TRPC5: variants seen among roughly 807,000 people sequenced by gnomAD.
The protein encoded by TRPC5 is transient receptor potential cation channel subfamily C member 5.
Under a neutral mutation model 56.5 loss-of-function variants are expected in TRPC5, and 9 were observed. That is an observed-to-expected ratio of 0.16 (90% CI 0.10 to 0.28). The LOEUF (loss-of-function observed/expected upper bound fraction) is 0.28. Ranked by LOEUF, TRPC5 falls within the 10% of genes least tolerant of loss-of-function variation. The pLI, the probability that TRPC5 is intolerant of heterozygous loss-of-function variation, is 1.00. For missense variants in TRPC5, 469 were observed against 748.9 expected, an observed-to-expected ratio of 0.63 and a Z score of 4.36; for synonymous variants, 282 against 278.5, an observed-to-expected ratio of 1.01 and a Z score of -0.13.
chrX:111,946,011 GAC>G (rs1926924642), intron 2 of TRPC5, among the ~76,000 whole-genome samples: 1 of 112,446 alleles, frequency 8.9e-6, no homozygotes, highest in Non-Finnish European at 1.9e-5. Flanking sequence ...CTCCCAGAAA[GAC>G]AGAGCTCCAG....
chrX:111,907,345 G>A (rs1172601018), intron 3 of TRPC5, among the ~76,000 whole-genome samples: 1 of 111,366 alleles, frequency 9.0e-6, no homozygotes, highest in Non-Finnish European at 1.9e-5. Context: ...TGCGAGCATA[G>A]GACTGGCGCG....
At chrX:111,983,170 G>A (rs1437036231) in intron 1 of TRPC5, among the ~76,000 whole-genome samples, 2 of 111,660 alleles carry the variant, frequency 1.8e-5, no homozygotes, top group Non-Finnish European at 3.8e-5. Context: ...GGTGGATAAA[G>A]CATTCTGTAA....
chrX:111,883,408 T>C (rs764626746), intron 3 of TRPC5, among the ~76,000 whole-genome samples: 5 of 112,457 alleles, frequency 4.4e-5, no homozygotes, highest in Non-Finnish European at 9.4e-5. Flanking sequence ...CCCAGTCTAC[T>C]TAAGTCCTAG....
intron 2 of TRPC5, among the ~76,000 whole-genome samples, chrX:111,946,347 G>C (rs778987532): frequency 2.7e-5 from 3 of 111,026 alleles, no homozygotes; most frequent in South Asian, 7.7e-4. Flanking sequence ...ATTTCTGTAA[G>C]TTAAGTAGTA....
chrX:111,996,786 G>T (rs1161261107), intron 1 of TRPC5, among the ~76,000 whole-genome samples: 1 of 111,457 alleles, frequency 9.0e-6, no homozygotes, highest in East Asian at 2.8e-4. Flanking sequence ...TTTTATCAGA[G>T]ACTAGGATTG....
At chrX:112,042,890 C>T (rs928301049) in intron 1 of TRPC5, among the ~76,000 whole-genome samples, 10 of 110,923 alleles carry the variant, frequency 9.0e-5, no homozygotes, top group Non-Finnish European at 1.5e-4. Flanking sequence ...ATTCTCAACC[C>T]CCTGCCTTCG....
intron 1 of TRPC5, among the ~76,000 whole-genome samples, chrX:111,970,050 T>G (rs1227005792): frequency 9.0e-6 from 1 of 110,799 alleles, no homozygotes; most frequent in Non-Finnish European, 1.9e-5. Context: ...GCCTTGTTAG[T>G]GAATAAACTC....
At chrX:111,975,363 C>G (rs1569528970) in intron 1 of TRPC5, among the ~76,000 whole-genome samples, 4 of 108,048 alleles carry the variant, frequency 3.7e-5, no homozygotes, top group Non-Finnish European at 5.7e-5. Flanking sequence ...AAATAACAAA[C>G]AGCAATAGCA....
At chrX:111,935,936 G>C (rs1926559336) in intron 2 of TRPC5, among the ~76,000 whole-genome samples, 1 of 111,610 alleles carries the variant, frequency 9.0e-6, no homozygotes, top group South Asian at 3.8e-4. Flanking sequence ...GCTCAGGATG[G>C]CTTTGGCTAT....
chrX:111,987,652 C>T lies in TRPC5; in HGVS notation c.-21-35211G>A, dbSNP rs914572787. On this transcript the variant is annotated intron_variant, in intron 1 of 10. Coordinates refer to ENST00000262839, the MANE Select transcript of TRPC5 (RefSeq NM_012471.3). ...ATGTCCTCTAGGTTCTCCATGTTGTCGCAATTGACAGGATCTCCCTTTTTA... is the reference window on the plus strand; with the variant it reads ...ATGTCCTCTAGGTTCTCCATGTTGTTGCAATTGACAGGATCTCCCTTTTTA... Among the ~76,000 whole-genome samples, 5 of 111,966 alleles carry T rather than the reference C, an allele frequency of 4.5e-5. No homozygotes were observed. In the East Asian group the frequency reaches 8.4e-4, roughly 19 times the overall value.
In TRPC5 at chrX:111,917,975, C is replaced by G. The variant is rs760800824; in HGVS notation, c.379-5163G>C. On this transcript the variant is annotated intron_variant, in intron 2 of 10. Transcript: ENST00000262839. ...TGAGTTTCTGGCCTAATATCCCAAG[C>G]CTCTTTAATGAAATGTGGCTGTGAA... is the stretch of plus-strand genomic sequence containing the variant. Among the ~76,000 whole-genome samples the G allele has an allele frequency of 1.2e-4, 13 of 112,565 alleles. No individual in the cohort carries two copies. In the East Asian group the frequency reaches 3.3e-3, roughly 29 times the overall value.
chrX:112,000,484 G>A (rs946575555), intron 1 of TRPC5, among the ~76,000 whole-genome samples: 5 of 111,998 alleles, frequency 4.5e-5, no homozygotes, highest in African/African-American at 1.6e-4. Flanking sequence ...AACCTCCTGG[G>A]GAGCAGCGTG....
intron 3 of TRPC5, among the ~76,000 whole-genome samples, chrX:111,912,028 G>A (rs1925834522): frequency 1.8e-5 from 2 of 111,808 alleles, no homozygotes; most frequent in East Asian, 5.6e-4. Context: ...CTTCTGTATC[G>A]CAAACACTCC....
At chrX:112,038,972 G>T (rs759490649) in intron 1 of TRPC5, among the ~76,000 whole-genome samples, 1 of 108,339 alleles carries the variant, frequency 9.2e-6, no homozygotes, top group Non-Finnish European at 1.9e-5. Context: ...TTACAGGTGT[G>T]AGCCACCGCG....
chrX:111,922,366 C>T (rs1261770921), intron 2 of TRPC5, among the ~76,000 whole-genome samples: 3 of 112,148 alleles, frequency 2.7e-5, no homozygotes, highest in Non-Finnish European at 5.6e-5. Flanking sequence ...GAAAATGAAC[C>T]TCCTGTCTTA....
At chrX:112,045,987 G>A (rs1433673928) in intron 1 of TRPC5, among the ~76,000 whole-genome samples, 1 of 110,841 alleles carries the variant, frequency 9.0e-6, no homozygotes, top group African/African-American at 3.3e-5. Context: ...TACATTTTTG[G>A]TTGTCACAAC....
chrX:111,814,048 C>T (rs1446754931), intron 7 of TRPC5, among the ~76,000 whole-genome samples: 1 of 112,292 alleles, frequency 8.9e-6, no homozygotes, highest in Non-Finnish European at 1.9e-5. Flanking sequence ...AGAAATTATA[C>T]ATTGTATTGT....
chrX:112,037,722 A>T lies in TRPC5; in HGVS notation c.-22+44157T>A, dbSNP rs181727861. Among the ~76,000 whole-genome samples, 883 of 111,245 alleles carry T rather than the reference A, an allele frequency of 7.9e-3. 7 individuals are homozygous for T. Among genetic ancestry groups the T allele is most frequent in the African/African-American group, 0.027 (820 of 30,570 alleles). ...GCTTCTGTTTCTTTTGCATTTTTTT[A>T]AAAAAAAGTTAGGTTATGGACTTGT... On this transcript the variant is annotated intron_variant, in intron 1 of 10. Transcript: ENST00000262839.
At chrX:111,905,902 G>C (rs1246283774) in intron 3 of TRPC5, among the ~76,000 whole-genome samples, 1 of 88,941 alleles carries the variant, frequency 1.1e-5, no homozygotes, top group Non-Finnish European at 2.1e-5. Context: ...GCGACAGAGC[G>C]AGTCTCTGTC....
Sources: allele counts gnomAD v4.1 joint callset (sites outside exome capture counted in the v4.1 genomes callset), GRCh38; gene constraint gnomAD v4.1.1; transcripts MANE v1.5; gene names NCBI Gene and HGNC (gene_info 2026-07-23, HGNC 2026-07-21).